CFAP20DC: variants seen among roughly 807,000 people sequenced by gnomAD.
CFAP20DC encodes the protein protein CFAP20DC.
A neutral mutation model predicts 101.7 loss-of-function variants in CFAP20DC; 84 were observed. The ratio of observed to expected loss-of-function variants is 0.83; its 90% CI spans 0.69 to 0.99. CFAP20DC has a LOEUF of 0.99. CFAP20DC is among the 50% of genes least tolerant of loss of function. CFAP20DC has a pLI of 0.00. For synonymous variants in CFAP20DC, 359 were observed against 351.2 expected (o/e 1.02, Z -0.25); for missense variants, 1,007 against 970.3 (o/e 1.04, Z -0.50).
chr3:58,778,916 A>C (rs1265070754), intron 15 of CFAP20DC, among the ~76,000 whole-genome samples: 2 of 152,222 alleles, frequency 1.3e-5, no homozygotes, highest in Non-Finnish European at 2.9e-5. Context: ...CCAGAATCAA[A>C]GCCAAGTGTC....
intron 14 of CFAP20DC, among the ~76,000 whole-genome samples, chr3:58,818,004 G>C (rs1377569897): frequency 6.7e-6 from 1 of 150,268 alleles, no homozygotes; most frequent in African/African-American, 2.5e-5. Flanking sequence ...TTAAAGAAAA[G>C]AATTTTCAAC....
chr3:58,907,175 T>C (rs1004677564), intron 6 of CFAP20DC, among the ~76,000 whole-genome samples: 5 of 152,068 alleles, frequency 3.3e-5, no homozygotes, highest in African/African-American at 1.2e-4. Context: ...TCAGAATAAC[T>C]GAAGTTTTTC....
At chr3:58,943,401 C>T (rs970402531) in intron 4 of CFAP20DC, among the ~76,000 whole-genome samples, 2 of 152,184 alleles carry the variant, frequency 1.3e-5, no homozygotes, top group Non-Finnish European at 2.9e-5. Context: ...TGCCGTTCTG[C>T]AGCCTCTGCT....
At chr3:59,019,478 C>T (rs1267053873) in intron 4 of CFAP20DC, among the ~76,000 whole-genome samples, 1 of 151,770 alleles carries the variant, frequency 6.6e-6, no homozygotes, top group East Asian at 1.9e-4. Flanking sequence ...GACTATGCAG[C>T]CCTAGATTAG....
At chr3:58,955,834 C>T (rs114229295) in intron 4 of CFAP20DC, among the ~76,000 whole-genome samples, 184 of 151,550 alleles carry the variant, frequency 1.2e-3, no homozygotes, top group African/African-American at 4.3e-3. Flanking sequence ...TTCTGTCTTG[C>T]ACCTTGGATA....
chr3:58,750,557 C>A (rs1575545446), intron 16 of CFAP20DC, among the ~76,000 whole-genome samples: 1 of 152,190 alleles, frequency 6.6e-6, no homozygotes, highest in Non-Finnish European at 1.5e-5. Context: ...CCCTCAGGCA[C>A]CACATTCACA....
rs770378832 is a variant in CFAP20DC, at chr3:58,859,974, C to T, written c.1593+3584G>A. On this transcript the variant is annotated intron_variant, in intron 12 of 16. Coordinates refer to ENST00000482387, the MANE Select transcript of CFAP20DC (RefSeq NM_001394063.1). The surrounding 1 kb of genome is among the most constrained non-coding windows in gnomAD (Gnocchi z 4.1). ...CAGGCAGATCACGAGGTCAGGAGAT[C>T]GAGACCATCCTGGCCAACATGGTGA... Among the ~76,000 whole-genome samples the T allele has an allele frequency of 6.6e-5, 10 of 151,818 alleles. No individual in the cohort carries two copies. The highest frequency in any genetic ancestry group is 2.1e-4 in the South Asian group (1 of 4,814).
chr3:58,947,353 G>A (rs143263415), intron 4 of CFAP20DC, among the ~76,000 whole-genome samples: 145 of 152,334 alleles, frequency 9.5e-4, no homozygotes, highest in African/African-American at 3.0e-3. Flanking sequence ...TACCTGATAC[G>A]TCTAGGACTG....
At chr3:59,040,703 T>C (rs2109241827) in intron 3 of CFAP20DC, among the ~76,000 whole-genome samples, 2 of 152,220 alleles carry the variant, frequency 1.3e-5, no homozygotes, top group Middle Eastern at 6.8e-3. Flanking sequence ...GGATAGTCTA[T>C]ATAAAGAACT....
intron 15 of CFAP20DC, among the ~76,000 whole-genome samples, chr3:58,801,862 A>G (rs924257566): frequency 7.9e-5 from 12 of 152,244 alleles, no homozygotes; most frequent in African/African-American, 2.9e-4. Flanking sequence ...ATCTGCAATG[A>G]CATTTTTAAA....
intron 15 of CFAP20DC, among the ~76,000 whole-genome samples, chr3:58,756,149 T>C (rs922987269): frequency 6.6e-6 from 1 of 152,118 alleles, no homozygotes; most frequent in Non-Finnish European, 1.5e-5. Context: ...AACTGTGCAC[T>C]CACATTGGTT....
intron 15 of CFAP20DC, among the ~76,000 whole-genome samples, chr3:58,770,302 TTTACAC>T (rs1439219005): frequency 6.6e-6 from 1 of 152,182 alleles, no homozygotes; most frequent in Non-Finnish European, 1.5e-5. Context: ...GCTTTATAAT[TTTACAC>T]TTAGTAGATG....
chr3:58,857,271 T>A, intron 12 of CFAP20DC, among the ~76,000 whole-genome samples: 1 of 152,216 alleles, frequency 6.6e-6, no homozygotes, highest in East Asian at 1.9e-4. Flanking sequence ...GAAAACACCT[T>A]AAAATCAATG....
intron 3 of CFAP20DC, among the ~76,000 whole-genome samples, chr3:59,043,870 A>G (rs2109286208): frequency 6.6e-6 from 1 of 152,282 alleles, no homozygotes; most frequent in African/African-American, 2.4e-5. Flanking sequence ...TATGACCCAA[A>G]TTGTCATAGT....
Position 58,729,094 on chromosome 3 carries a change from AC to A in CFAP20DC, c.198-11467del. ...AAACCTTCAGATGGCTGCAGTCTGG[AC>A]CAAAAAATCTTGACTGCAACCTCAT... On this transcript the variant is annotated intron_variant, in intron 3 of 3. Coordinates refer to the CFAP20DC transcript ENST00000486145. The surrounding 1 kb of genome is among the most constrained non-coding windows in gnomAD (Gnocchi z 4.4). 6.6e-6 allele frequency among the ~76,000 whole-genome samples: 1 copy of A among 152,174 alleles called. No individual in the cohort carries two copies. Among genetic ancestry groups the A allele is most frequent in the Non-Finnish European group, 1.5e-5 (1 of 68,026 alleles).
At chr3:58,775,117 C>G (rs1259192525) in intron 15 of CFAP20DC, among the ~76,000 whole-genome samples, 1 of 152,062 alleles carries the variant, frequency 6.6e-6, no homozygotes, top group African/African-American at 2.4e-5. Flanking sequence ...CGGGGCACAG[C>G]TTGGTTTTAT....
chr3:58,884,468 C>T, intron 7 of CFAP20DC, 77 bp downstream of exon 7: 1 of 1,367,074 alleles, frequency 7.3e-7, no homozygotes, highest in Non-Finnish European at 1.0e-6. Flanking sequence ...GGTACAGTGC[C>T]CTTTTTGGAG....
rs1334866539 is a variant in CFAP20DC at position 58,864,798 on chromosome 3, T to A, written c.1259-906A>T. On this transcript the variant is annotated intron_variant, in intron 11 of 16. Coordinates refer to ENST00000482387, the MANE Select transcript of CFAP20DC (RefSeq NM_001394063.1). The surrounding 1 kb of genome is among the most constrained non-coding windows in gnomAD (Gnocchi z 4.7). Reference sequence around the variant, plus strand: ...CAGAAATATTTGCTAATCCAAGCAGTGGATTCTGCTGGGTGAAAAAGGTCT... The same window carrying A: ...CAGAAATATTTGCTAATCCAAGCAGAGGATTCTGCTGGGTGAAAAAGGTCT... Among the ~76,000 whole-genome samples, 3 of 152,216 alleles carry A rather than the reference T, an allele frequency of 2.0e-5. No individual in the cohort carries two copies. Among genetic ancestry groups the A allele is most frequent in the Non-Finnish European group, 1.5e-5 (1 of 68,046 alleles).
At chr3:58,938,946 C>A (rs901425200) in intron 4 of CFAP20DC, among the ~76,000 whole-genome samples, 14 of 152,134 alleles carry the variant, frequency 9.2e-5, no homozygotes, top group South Asian at 6.2e-4. Flanking sequence ...GTTTAAAATG[C>A]AGAAGTATTA....
Sources: gnomAD v4.1 joint callset for allele counts (sites outside exome capture counted in the v4.1 genomes callset) on GRCh38, gnomAD v4.1.1 for gene constraint, Gnocchi (gnomAD v3.1) non-coding constraint, MANE v1.5 for transcripts, NCBI Gene and HGNC (gene_info 2026-07-23, HGNC 2026-07-21) for gene names.